The following ZC3H12B variants were observed in gnomAD, a reference collection of about 807,000 sequenced individuals.
ZC3H12B encodes the protein zinc finger CCCH-type containing 12B.
ZC3H12B carries 7 observed loss-of-function variants against 43.9 expected under a neutral mutation model. The observed-to-expected ratio is 0.16, with a 90% CI of 0.09 to 0.30. The LOEUF (loss-of-function observed/expected upper bound fraction) is 0.30. Ranked by LOEUF, ZC3H12B falls within the 10% of genes least tolerant of loss-of-function variation. The pLI, the probability that ZC3H12B is intolerant of heterozygous loss-of-function variation, is 1.00. For synonymous variants in ZC3H12B, 222 were observed against 241.7 expected (o/e 0.92, Z 0.76); for missense variants, 475 against 670.2 (o/e 0.71, Z 3.22).
At chrX:65,451,388 T>C (rs889123775) in intron 3 of ZC3H12B, among the ~76,000 whole-genome samples, 11 of 112,359 alleles carry the variant, frequency 9.8e-5, no homozygotes, top group African/African-American at 3.6e-4. Flanking sequence ...TTGAATTCTT[T>C]GTCAGATAAT....
At chrX:65,462,416 G>C (rs2067763203) in intron 3 of ZC3H12B, among the ~76,000 whole-genome samples, 2 of 111,129 alleles carry the variant, frequency 1.8e-5, no homozygotes, top group African/African-American at 6.5e-5. Flanking sequence ...GGAGGCTGAG[G>C]CACGAGAATT....
At chrX:65,262,412 G>A in the ZC3H12B span, among the ~76,000 whole-genome samples, 7 of 110,786 alleles carry the variant, frequency 6.3e-5, no homozygotes, top group African/African-American at 2.3e-4. Flanking sequence ...GCCTCTGGAA[G>A]ACTAGTTATG....
chrX:65,377,460 A>C (rs1157381623), intron 2 of ZC3H12B, among the ~76,000 whole-genome samples: 1 of 110,594 alleles, frequency 9.0e-6, no homozygotes, highest in Non-Finnish European at 1.9e-5. Context: ...AGCCTACCCC[A>C]AGGCACTTAA....
At chrX:65,350,125 C>A in the ZC3H12B span, among the ~76,000 whole-genome samples, 1 of 108,742 alleles carries the variant, frequency 9.2e-6, no homozygotes, top group Admixed American at 9.6e-5. Flanking sequence ...ACTGGCAAAC[C>A]GAGTCCAGCA....
intron 3 of ZC3H12B, among the ~76,000 whole-genome samples, chrX:65,462,342 C>T (rs1178777774): frequency 9.1e-6 from 1 of 110,452 alleles, no homozygotes; most frequent in African/African-American, 3.3e-5. Flanking sequence ...GAAATCCCAT[C>T]TCTACTAAAA....
At chrX:65,092,106 T>C in the ZC3H12B span, among the ~76,000 whole-genome samples, 1 of 111,877 alleles carries the variant, frequency 8.9e-6, no homozygotes, top group Admixed American at 9.5e-5. Flanking sequence ...CCTGCTCTGG[T>C]CTTGTGAGGT....
At chrX:65,167,166 A>T in the ZC3H12B span, among the ~76,000 whole-genome samples, 1 of 111,713 alleles carries the variant, frequency 9.0e-6, no homozygotes, top group Non-Finnish European at 1.9e-5. Flanking sequence ...TAGGGTTTTT[A>T]TGGTTTTAGG....
chrX:65,200,426 C>CTTTT, the ZC3H12B span, among the ~76,000 whole-genome samples: 74 of 59,590 alleles, frequency 1.2e-3, 2 homozygotes, highest in African/African-American at 3.1e-3. Flanking sequence ...ATAGTTTCCT[C>CTTTT]TTTTTTTTTT....
the ZC3H12B span, among the ~76,000 whole-genome samples, chrX:65,154,673 AC>A: frequency 9.0e-6 from 1 of 110,732 alleles, no homozygotes; most frequent in Non-Finnish European, 1.9e-5. Context: ...ATGATGTGAG[AC>A]CCCCATCTCT....
chrX:65,230,601 C>G, the ZC3H12B span, among the ~76,000 whole-genome samples: 1 of 101,925 alleles, frequency 9.8e-6, no homozygotes. Flanking sequence ...CATCACCTTT[C>G]CCCCAGCGCC....
At chrX:65,194,916 A>G in the ZC3H12B span, among the ~76,000 whole-genome samples, 1 of 112,113 alleles carries the variant, frequency 8.9e-6, no homozygotes, top group African/African-American at 3.2e-5. Flanking sequence ...ATCATTATAT[A>G]GTGACCGTCT....
At chrX:65,474,542 C>T (rs1203171075) in intron 3 of ZC3H12B, among the ~76,000 whole-genome samples, 1 of 111,647 alleles carries the variant, frequency 9.0e-6, no homozygotes, top group Non-Finnish European at 1.9e-5. Flanking sequence ...CTTACTATTG[C>T]TATTTTTTAA....
intron 2 of ZC3H12B, among the ~76,000 whole-genome samples, chrX:65,372,571 ATATTT>A (rs1347015321): frequency 1.9e-5 from 2 of 104,143 alleles, no homozygotes; most frequent in Non-Finnish European, 4.0e-5. Flanking sequence ...GAATGCGGAC[ATATTT>A]TAAGAAAGGA....
intron 2 of ZC3H12B, among the ~76,000 whole-genome samples, chrX:65,387,391 A>G (rs747756188): frequency 8.9e-6 from 1 of 111,913 alleles, no homozygotes; most frequent in Non-Finnish European, 1.9e-5. Flanking sequence ...CTTTACCATT[A>G]TTTAATGGCC....
the ZC3H12B span, among the ~76,000 whole-genome samples, chrX:65,159,248 C>T: frequency 1.6e-4 from 18 of 111,732 alleles, no homozygotes; most frequent in Non-Finnish European, 2.8e-4. Flanking sequence ...ATTGACTTGG[C>T]GATGCGGGCT....
the ZC3H12B span, among the ~76,000 whole-genome samples, chrX:65,223,653 G>C: frequency 2.7e-5 from 3 of 112,252 alleles, no homozygotes; most frequent in Non-Finnish European, 5.6e-5. Flanking sequence ...CAAAAAGTGG[G>C]CTAAAGACAT....
At chrX:65,356,075 T>G in the ZC3H12B span, among the ~76,000 whole-genome samples, 1 of 112,386 alleles carries the variant, frequency 8.9e-6, no homozygotes, top group African/African-American at 3.2e-5. Flanking sequence ...GCTCCCCTAA[T>G]TCCCAAAAAT....
At chrX:65,175,275 C>A in the ZC3H12B span, among the ~76,000 whole-genome samples, 4 of 111,964 alleles carry the variant, frequency 3.6e-5, no homozygotes, top group Non-Finnish European at 5.6e-5. Flanking sequence ...AATTACCCCC[C>A]TCTGCATTGG....
chrX:65,501,704 T>A lies in ZC3H12B; in HGVS notation c.1091-85T>A. 6.1e-6 allele frequency: 6 copies of A among 977,798 alleles called. No individual in the cohort carries two copies. In the Admixed American group the frequency reaches 1.9e-4, roughly 32 times the overall value. 80.6% of individuals were successfully genotyped at this position (977,798 alleles called of 1,213,427 possible). A position where few individuals can be genotyped will look rare whatever the true frequency, so the allele number is the denominator to read the frequency against. ...TACCCCAAACAGTAAAACCCTAACC[T>A]GAGTGACCAGATTGTTACAACAGTT... On this transcript the variant is annotated intron_variant, in intron 4 of 4. Coordinates refer to ENST00000338957, the Ensembl canonical transcript of ZC3H12B.
Sources: allele counts gnomAD v4.1 joint callset (sites outside exome capture counted in the v4.1 genomes callset), GRCh38; gene constraint gnomAD v4.1.1; transcripts MANE v1.5; gene names NCBI Gene and HGNC (gene_info 2026-07-23, HGNC 2026-07-21).